The following YAF2 variants were observed in gnomAD, a reference collection of about 807,000 sequenced individuals.
The protein encoded by YAF2 is YY1-associated factor 2.
A neutral mutation model predicts 20.1 loss-of-function variants in YAF2; 7 were observed. The ratio of observed to expected loss-of-function variants is 0.35; its 90% CI spans 0.20 to 0.65. YAF2 has a LOEUF of 0.65. Among genes scored for constraint, YAF2 ranks in the 30% least tolerant of loss-of-function variants. YAF2 has a pLI of 0.69. For synonymous variants in YAF2, 74 were observed against 76.0 expected (o/e 0.97, Z 0.14); for missense variants, 151 against 219.2 (o/e 0.69, Z 1.96).
chr12:42,205,854 A>G (rs2067026190), intron 2 of YAF2: 1 of 408,190 alleles, frequency 2.4e-6, no homozygotes, highest in Non-Finnish European at 4.9e-6. Context: ...ATTTTTGTGC[A>G]TCCCTCAAAT....
chr12:42,194,523 A>G (rs2066700349), intron 2 of YAF2, among the ~76,000 whole-genome samples: 1 of 152,206 alleles, frequency 6.6e-6, no homozygotes, highest in South Asian at 2.1e-4. Context: ...AAGCGCCTGT[A>G]ATCCCAGCTA....
intron 2 of YAF2, chr12:42,199,082 C>T: frequency 9.9e-7 from 1 of 1,009,750 alleles, no homozygotes; most frequent in Admixed American, 3.1e-5. Context: ...TTAATTTCCT[C>T]TTGGGTACAT....
chr12:42,235,813 T>C (rs2068133543), intron 2 of YAF2: 1 of 1,536,028 alleles, frequency 6.5e-7, no homozygotes, highest in South Asian at 1.2e-5. Context: ...TCTTTTAAAC[T>C]AGGCCCACTT....
chr12:42,161,179 G>C (rs1158266993), intron 3 of YAF2: 1 of 296,792 alleles, frequency 3.4e-6, no homozygotes, highest in African/African-American at 2.2e-5. Flanking sequence ...AAAAGCTAAG[G>C]TTGAGCTATA....
At chr12:42,164,901 C>A (rs2065875913) in intron 2 of YAF2, among the ~76,000 whole-genome samples, 1 of 151,774 alleles carries the variant, frequency 6.6e-6, no homozygotes, top group African/African-American at 2.4e-5. Flanking sequence ...GAAAACCCAT[C>A]TCTACAAAAA....
intron 2 of YAF2, among the ~76,000 whole-genome samples, chr12:42,236,441 A>T (rs1175690740): frequency 6.6e-6 from 1 of 152,258 alleles, no homozygotes; most frequent in Non-Finnish European, 1.5e-5. Context: ...GGGAATATAC[A>T]AAAAGCATAT....
At chr12:42,195,483 G>A (rs1342777693) in intron 2 of YAF2, among the ~76,000 whole-genome samples, 1 of 152,184 alleles carries the variant, frequency 6.6e-6, no homozygotes, top group African/African-American at 2.4e-5. Flanking sequence ...AGGGAAAAAA[G>A]TATCTTGTAA....
chr12:42,208,412 T>C (rs2067113643), intron 2 of YAF2, among the ~76,000 whole-genome samples: 1 of 151,842 alleles, frequency 6.6e-6, no homozygotes, highest in Non-Finnish European at 1.5e-5. Context: ...GGCGATCGAG[T>C]GAGACTCTGT....
intron 2 of YAF2, among the ~76,000 whole-genome samples, chr12:42,183,784 T>C (rs2066404227): frequency 6.6e-6 from 1 of 152,220 alleles, no homozygotes; most frequent in South Asian, 2.1e-4. Context: ...ATTTTCAATG[T>C]AGACAAAAAA....
intron 2 of YAF2, chr12:42,199,086 G>A: frequency 9.8e-7 from 1 of 1,016,366 alleles, no homozygotes; most frequent in Non-Finnish European, 1.3e-6. Flanking sequence ...TTTCCTCTTG[G>A]GTACATCTTC....
intron 2 of YAF2, chr12:42,210,936 C>CTAT (rs372492560): frequency 2.9e-5 from 7 of 240,170 alleles, no homozygotes; most frequent in African/African-American, 1.6e-4. Flanking sequence ...AGCCACCAGG[C>CTAT]TATTTCATTT....
At chr12:42,230,736 A>G (rs1268013729) in intron 2 of YAF2, among the ~76,000 whole-genome samples, 1 of 152,260 alleles carries the variant, frequency 6.6e-6, no homozygotes, top group Non-Finnish European at 1.5e-5. Context: ...GGTTCCAGAA[A>G]GGAGTTTATG....
intron 2 of YAF2, among the ~76,000 whole-genome samples, chr12:42,171,665 C>A (rs1367258679): frequency 2.0e-5 from 3 of 152,094 alleles, no homozygotes; most frequent in Admixed American, 2.0e-4. Flanking sequence ...ACAAAAATCT[C>A]ATATCTGGCT....
chr12:42,206,423 A>C (rs923147051), intron 2 of YAF2, among the ~76,000 whole-genome samples: 1 of 152,068 alleles, frequency 6.6e-6, no homozygotes, highest in African/African-American at 2.4e-5. Context: ...AGCTTGGCCA[A>C]CATGGCAAAA....
At chr12:42,167,422 T>A (rs1380546907) in intron 2 of YAF2, among the ~76,000 whole-genome samples, 3 of 152,032 alleles carry the variant, frequency 2.0e-5, no homozygotes, top group Admixed American at 6.6e-5. Flanking sequence ...GACCAAAAGG[T>A]CCATATGGTA....
intron 2 of YAF2, among the ~76,000 whole-genome samples, chr12:42,187,946 A>G (rs2066515153): frequency 6.6e-6 from 1 of 152,176 alleles, no homozygotes; most frequent in Non-Finnish European, 1.5e-5. Flanking sequence ...GGGACACTCA[A>G]GCAGCCCTAT....
At chr12:42,172,223 T>C (rs903639534) in intron 2 of YAF2, 1 of 152,232 alleles carries the variant, frequency 6.6e-6, no homozygotes, top group Admixed American at 6.5e-5. Context: ...GAAAGAAAGA[T>C]ACAAGGACTT....
chr12:42,161,254 C>T (rs369452861), intron 3 of YAF2: 22 of 247,514 alleles, frequency 8.9e-5, no homozygotes, highest in South Asian at 5.0e-4. Context: ...TATGACTGAA[C>T]GCATGACCAT....
At chr12:42,234,473 A>G (rs1285478277) in intron 2 of YAF2, 2 of 979,446 alleles carry the variant, frequency 2.0e-6, no homozygotes, top group Non-Finnish European at 2.4e-6. Context: ...AATATACCCA[A>G]GTAACAAACA....
Sources: gnomAD v4.1 joint callset for allele counts (sites outside exome capture counted in the v4.1 genomes callset) on GRCh38, gnomAD v4.1.1 for gene constraint, MANE v1.5 for transcripts, NCBI Gene and HGNC (gene_info 2026-07-23, HGNC 2026-07-21) for gene names.